EFNA5: variants seen among roughly 807,000 people sequenced by gnomAD.
EFNA5 encodes the protein ephrin-A5.
In EFNA5, 5 loss-of-function variants were observed where a neutral mutation model predicts 22.9. The ratio of observed to expected loss-of-function variants is 0.22; its 90% CI spans 0.11 to 0.46. The LOEUF is 0.46. Among genes scored for constraint, EFNA5 ranks in the 20% least tolerant of loss-of-function variants. EFNA5 has a pLI of 0.99. For missense variants in EFNA5, 237 were observed against 293.3 expected (o/e 0.81, Z 1.40); for synonymous variants, 113 against 112.2 (o/e 1.01, Z -0.04).
chr5:107,599,279 G>A (rs990594397), intron 1 of EFNA5, among the ~76,000 whole-genome samples: 27 of 152,208 alleles, frequency 1.8e-4, no homozygotes, highest in African/African-American at 6.5e-4. Flanking sequence ...GTAGGAAGTT[G>A]TAAAGAATAA....
At chr5:107,421,982 G>T (rs1748681043) in intron 2 of EFNA5, among the ~76,000 whole-genome samples, 1 of 151,932 alleles carries the variant, frequency 6.6e-6, no homozygotes, top group Non-Finnish European at 1.5e-5. Flanking sequence ...GTAGAGATGG[G>T]GTTTCTCCAT....
chr5:107,498,177 A>G (rs998188116), intron 1 of EFNA5, among the ~76,000 whole-genome samples: 7 of 152,204 alleles, frequency 4.6e-5, no homozygotes, highest in African/African-American at 1.7e-4. Context: ...CGGCCTCCCA[A>G]AGTGCTGGGA....
intron 1 of EFNA5, among the ~76,000 whole-genome samples, chr5:107,444,229 T>C (rs1190961282): frequency 2.0e-5 from 3 of 152,232 alleles, no homozygotes; most frequent in Non-Finnish European, 4.4e-5. Flanking sequence ...CCTCTTTCAA[T>C]AGTGTGTATT....
intron 1 of EFNA5, among the ~76,000 whole-genome samples, chr5:107,598,916 T>C (rs1749531466): frequency 6.6e-6 from 1 of 152,186 alleles, no homozygotes; most frequent in Admixed American, 6.5e-5. Flanking sequence ...CTTAGCTTAA[T>C]TCACTGAGTT....
intron 1 of EFNA5, among the ~76,000 whole-genome samples, chr5:107,495,325 C>T (rs1746947508): frequency 6.6e-6 from 1 of 152,076 alleles, no homozygotes; most frequent in Non-Finnish European, 1.5e-5. Context: ...ACACTCACCT[C>T]GAAGGTCTGC....
chr5:107,498,992 G>GTA (rs372418932), intron 1 of EFNA5, among the ~76,000 whole-genome samples: 12 of 150,992 alleles, frequency 7.9e-5, no homozygotes, highest in East Asian at 1.9e-4. Context: ...ATGTATGTAT[G>GTA]TGTATCAGCC....
intron 1 of EFNA5, among the ~76,000 whole-genome samples, chr5:107,623,809 C>CA (rs1367896896): frequency 2.0e-5 from 3 of 151,596 alleles, no homozygotes; most frequent in Admixed American, 6.6e-5. Flanking sequence ...TCCAGTCACC[C>CA]AAAAAATGAC....
intron 1 of EFNA5, among the ~76,000 whole-genome samples, chr5:107,521,129 T>C (rs1747586961): frequency 6.6e-6 from 1 of 152,172 alleles, no homozygotes; most frequent in South Asian, 2.1e-4. Flanking sequence ...AATTATTGTA[T>C]GTAGAAAGTG....
chr5:107,562,404 T>C (rs1256528310), intron 1 of EFNA5, among the ~76,000 whole-genome samples: 1 of 152,094 alleles, frequency 6.6e-6, no homozygotes, highest in African/African-American at 2.4e-5. Context: ...TTTTTAAGCT[T>C]ATATTTTTTC....
intron 1 of EFNA5, among the ~76,000 whole-genome samples, chr5:107,505,417 A>T (rs1490805913): frequency 3.3e-5 from 5 of 152,200 alleles, no homozygotes; most frequent in African/African-American, 7.2e-5. Flanking sequence ...ATCTGCAAAC[A>T]TTGCCTAGGG....
chr5:107,378,437 AGTT>A lies in EFNA5; in HGVS notation c.*2815_*2817del, dbSNP rs1747336985. 6.6e-6 allele frequency: 1 copy of A among 152,090 alleles called. No homozygotes were observed. Among genetic ancestry groups the A allele is most frequent in the African/African-American group, 2.4e-5 (1 of 41,406 alleles). 9.4% of individuals were successfully genotyped at this position (152,090 alleles called of 1,614,324 possible). On this transcript the variant is annotated 3_prime_UTR_variant, in exon 5 of 5. Transcript: ENST00000333274. The stretch of plus-strand genomic sequence containing the variant: ...GCTATGACTGTCCTTCAGATTTTTG[AGTT>A]GTTTTTGAAATTAAAAGCTTCTAAA...
intron 1 of EFNA5, among the ~76,000 whole-genome samples, chr5:107,569,555 A>ATT (rs1561435938): frequency 3.3e-4 from 33 of 100,100 alleles, no homozygotes; most frequent in African/African-American, 7.6e-4. Flanking sequence ...GTGTATATAT[A>ATT]TATTTATATA....
chr5:107,504,822 A>C (rs1481860736), intron 1 of EFNA5, among the ~76,000 whole-genome samples: 1 of 152,190 alleles, frequency 6.6e-6, no homozygotes, highest in Non-Finnish European at 1.5e-5. Context: ...GTAGACTCTG[A>C]ATTTTAATCT....
intron 1 of EFNA5, among the ~76,000 whole-genome samples, chr5:107,522,386 C>T (rs1747616730): frequency 6.6e-6 from 1 of 152,076 alleles, no homozygotes; most frequent in African/African-American, 2.4e-5. Context: ...CTTTCTCACT[C>T]TCTTTCTTTT....
At chr5:107,546,304 C>T (rs887246677) in intron 1 of EFNA5, among the ~76,000 whole-genome samples, 6 of 152,096 alleles carry the variant, frequency 3.9e-5, no homozygotes, top group African/African-American at 9.7e-5. Flanking sequence ...CACATCTGCT[C>T]AGGTGCTGAC....
intron 1 of EFNA5, among the ~76,000 whole-genome samples, chr5:107,658,442 T>C (rs1750873371): frequency 6.6e-6 from 1 of 152,220 alleles, no homozygotes; most frequent in Non-Finnish European, 1.5e-5. Context: ...GTTAGTGGTG[T>C]ATTTTCAATG....
intron 1 of EFNA5, among the ~76,000 whole-genome samples, chr5:107,655,111 C>T (rs1343024187): frequency 2.0e-5 from 3 of 151,784 alleles, no homozygotes; most frequent in African/African-American, 2.4e-5. Flanking sequence ...ATTTTAATAA[C>T]ACAAAATATC....
chr5:107,590,330 T>C (rs545054758), intron 1 of EFNA5, among the ~76,000 whole-genome samples: 1 of 152,222 alleles, frequency 6.6e-6, no homozygotes, highest in African/African-American at 2.4e-5. Context: ...GCAGTTCCAT[T>C]AAGAGACAGA....
intron 2 of EFNA5, among the ~76,000 whole-genome samples, chr5:107,424,996 C>T (rs1185301897): frequency 6.6e-6 from 1 of 152,008 alleles, no homozygotes; most frequent in Non-Finnish European, 1.5e-5. Context: ...GCTATTTTAC[C>T]TTTCATTAAA....
Sources: gnomAD v4.1 joint callset for allele counts (sites outside exome capture counted in the v4.1 genomes callset) on GRCh38, gnomAD v4.1.1 for gene constraint, MANE v1.5 for transcripts, NCBI Gene and HGNC (gene_info 2026-07-23, HGNC 2026-07-21) for gene names.